The following KCNMA1 variants were observed in gnomAD, a reference collection of about 807,000 sequenced individuals.
KCNMA1 encodes the protein potassium calcium-activated channel subfamily M alpha 1, also known as Calcium-activated potassium channel subunit alpha-1.
In KCNMA1, 29 loss-of-function variants were observed where a neutral mutation model predicts 140.0. That is an observed-to-expected ratio of 0.21 (90% CI 0.15 to 0.28). The LOEUF is 0.28. Ranked by LOEUF, KCNMA1 falls within the 10% of genes least tolerant of loss-of-function variation. The probability of loss-of-function intolerance (pLI) is 1.00; values close to 1 mark genes in which losing one functional copy is unlikely to be tolerated. For missense variants in KCNMA1, 880 were observed against 1,602.2 expected, an observed-to-expected ratio of 0.55 and a Z score of 7.70; for synonymous variants, 612 against 611.9, an observed-to-expected ratio of 1.00 and a Z score of 0.00.
At chr10:77,541,210 G>A (rs995375882) in intron 1 of KCNMA1, among the ~76,000 whole-genome samples, 5 of 151,946 alleles carry the variant, frequency 3.3e-5, no homozygotes, top group Admixed American at 6.6e-5. Flanking sequence ...CGAATTAAAC[G>A]TACCTATTAA....
At chr10:77,376,948 AATACATACATACATAC>A (rs66548732) in intron 2 of KCNMA1, among the ~76,000 whole-genome samples, 3 of 148,314 alleles carry the variant, frequency 2.0e-5, no homozygotes, top group Admixed American at 1.3e-4. Context: ...AAAATAAATA[AATACATACATACATAC>A]ATACATACAT....
At chr10:77,523,573 T>C (rs1463729462) in intron 1 of KCNMA1, among the ~76,000 whole-genome samples, 3 of 152,254 alleles carry the variant, frequency 2.0e-5, no homozygotes, top group Admixed American at 1.3e-4. Flanking sequence ...AGCACGCAAG[T>C]GCCTTTGCAT....
At chr10:77,520,281 G>A (rs991042939) in intron 1 of KCNMA1, among the ~76,000 whole-genome samples, 1 of 137,892 alleles carries the variant, frequency 7.3e-6, no homozygotes, top group Non-Finnish European at 1.6e-5. Context: ...GGGATATGTG[G>A]TGTGAGGGTA....
At chr10:77,572,603 T>TATATATAA (rs1491270036) in intron 1 of KCNMA1, among the ~76,000 whole-genome samples, 7 of 98,670 alleles carry the variant, frequency 7.1e-5, no homozygotes, top group African/African-American at 2.4e-4. Flanking sequence ...TATATATATA[T>TATATATAA]AAATTAGCTG....
At chr10:77,044,654 T>TA (rs1464721195) in intron 14 of KCNMA1, among the ~76,000 whole-genome samples, 1 of 152,072 alleles carries the variant, frequency 6.6e-6, no homozygotes, top group African/African-American at 2.4e-5. Context: ...GTCTCTAAAA[T>TA]AAATAAATAA....
At chr10:77,105,411 T>C (rs1158703138) in intron 9 of KCNMA1, among the ~76,000 whole-genome samples, 2 of 152,242 alleles carry the variant, frequency 1.3e-5, no homozygotes, top group African/African-American at 4.8e-5. Context: ...GCCTAAATTT[T>C]GTACTTTAAA....
intron 1 of KCNMA1, among the ~76,000 whole-genome samples, chr10:77,626,138 A>T (rs1439158423): frequency 6.6e-6 from 1 of 152,162 alleles, no homozygotes; most frequent in East Asian, 1.9e-4. Flanking sequence ...GGGATTAAGG[A>T]CAAAATATAA....
intron 3 of KCNMA1, among the ~76,000 whole-genome samples, chr10:77,219,776 C>T (rs976411160): frequency 3.9e-5 from 6 of 152,162 alleles, no homozygotes; most frequent in African/African-American, 1.2e-4. Flanking sequence ...CCCACCACCA[C>T]ACCTGGCTAA....
intron 2 of KCNMA1, among the ~76,000 whole-genome samples, chr10:77,307,137 T>C (rs1249180501): frequency 1.3e-5 from 2 of 152,154 alleles, no homozygotes; most frequent in Non-Finnish European, 2.9e-5. Context: ...AGGTCATCAA[T>C]TGCAAGATCA....
intron 2 of KCNMA1, among the ~76,000 whole-genome samples, chr10:77,381,444 C>T (rs113545324): frequency 0.026 from 3,914 of 152,144 alleles, 157 homozygotes; most frequent in African/African-American, 0.09. Context: ...CACTAACTTG[C>T]GGTGTAAACA....
At chr10:77,452,921 T>C (rs1603623861) in intron 1 of KCNMA1, among the ~76,000 whole-genome samples, 1 of 152,212 alleles carries the variant, frequency 6.6e-6, no homozygotes, top group East Asian at 1.9e-4. Context: ...CATTTAAGGG[T>C]GAGCAGATGT....
intron 6 of KCNMA1, among the ~76,000 whole-genome samples, chr10:77,117,288 C>G (rs1184236050): frequency 6.6e-6 from 1 of 151,964 alleles, no homozygotes; most frequent in African/African-American, 2.4e-5. Flanking sequence ...GTGGCTCACA[C>G]CTGTAATCCC....
intron 3 of KCNMA1, among the ~76,000 whole-genome samples, chr10:77,205,304 T>TA (rs1284487273): frequency 2.6e-5 from 4 of 152,204 alleles, no homozygotes; most frequent in African/African-American, 4.8e-5. Context: ...GGAGCAAAGC[T>TA]AAAAATCTAG....
At chr10:76,894,367 G>T (rs1256157589) in intron 25 of KCNMA1, among the ~76,000 whole-genome samples, 1 of 152,070 alleles carries the variant, frequency 6.6e-6, no homozygotes, top group East Asian at 1.9e-4. Context: ...AGCTAAAACT[G>T]CAAAATGCTT....
chr10:77,047,185 G>A (rs1035503233), intron 14 of KCNMA1, among the ~76,000 whole-genome samples: 1 of 151,858 alleles, frequency 6.6e-6, no homozygotes, highest in Non-Finnish European at 1.5e-5. Flanking sequence ...ATTTTGGGGG[G>A]ATTTGATGGA....
chr10:77,236,161 G>A (rs939248539), intron 3 of KCNMA1, among the ~76,000 whole-genome samples: 5 of 152,254 alleles, frequency 3.3e-5, no homozygotes, highest in South Asian at 2.1e-4. Flanking sequence ...GAACTTTCTC[G>A]ATTGACAGTA....
chr10:77,568,928 T>C (rs2069600294), intron 1 of KCNMA1, among the ~76,000 whole-genome samples: 2 of 149,682 alleles, frequency 1.3e-5, no homozygotes, highest in Admixed American at 6.7e-5. Flanking sequence ...ACAAGCATTC[T>C]CATACACCAA....
chr10:77,563,772 G>A (rs116780550), intron 1 of KCNMA1, among the ~76,000 whole-genome samples: 2,235 of 152,230 alleles, frequency 0.015, 62 homozygotes, highest in African/African-American at 0.051. Flanking sequence ...CAGGCCCAGG[G>A]GGGAGTCCAC....
At chr10:77,637,012 A>G in intron 1 of KCNMA1, 1 of 1,412,636 alleles carries the variant, frequency 7.1e-7, no homozygotes, top group Non-Finnish European at 9.2e-7. Flanking sequence ...CAACCCTACA[A>G]TAAACAAGAG....
Sources: gnomAD v4.1 joint callset for allele counts (sites outside exome capture counted in the v4.1 genomes callset) on GRCh38, gnomAD v4.1.1 for gene constraint, MANE v1.5 for transcripts, NCBI Gene and HGNC (gene_info 2026-07-23, HGNC 2026-07-21) for gene names.